ZNF385D: variants seen among roughly 807,000 people sequenced by gnomAD.
ZNF385D encodes zinc finger protein 659.
A neutral mutation model predicts 35.8 loss-of-function variants in ZNF385D; 15 were observed. The ratio of observed to expected loss-of-function variants is 0.42; its 90% CI spans 0.28 to 0.64. ZNF385D has a LOEUF of 0.64. ZNF385D is among the 30% of genes least tolerant of loss of function. The pLI, the probability that ZNF385D is intolerant of heterozygous loss-of-function variation, is 0.23. For missense variants in ZNF385D, 474 were observed against 494.6 expected (o/e 0.96, Z 0.39); for synonymous variants, 212 against 186.8 (o/e 1.13, Z -1.10).
chr3:22,011,357 A>C (rs1308407456), intron 3 of ZNF385D, among the ~76,000 whole-genome samples: 7 of 152,140 alleles, frequency 4.6e-5, no homozygotes, highest in Admixed American at 4.6e-4. Flanking sequence ...TCTCTGCTTC[A>C]AAATATATCT....
chr3:21,875,661 C>T (rs562947471), intron 3 of ZNF385D, among the ~76,000 whole-genome samples: 2 of 152,180 alleles, frequency 1.3e-5, no homozygotes, highest in East Asian at 3.9e-4. Flanking sequence ...CTCATGTATG[C>T]AATACACTCA....
At chr3:21,595,950 C>G (rs1024822759) in intron 2 of ZNF385D, among the ~76,000 whole-genome samples, 1 of 152,134 alleles carries the variant, frequency 6.6e-6, no homozygotes, top group Non-Finnish European at 1.5e-5. Context: ...ACAAAAAAAG[C>G]ACAATACCTA....
At chr3:22,119,131 T>C (rs1206203835) in intron 3 of ZNF385D, among the ~76,000 whole-genome samples, 3 of 152,172 alleles carry the variant, frequency 2.0e-5, no homozygotes, top group East Asian at 3.9e-4. Context: ...CCTGTGGTGC[T>C]GCCAAGAATA....
rs550348481 is a variant in ZNF385D, at chr3:21,710,725, T to C, written c.22+40170A>G. Reference sequence around the variant, plus strand: ...GTGTTGGAAGCAATATTTAAGGTCTTTGAAGCATGAATGCTTGAACATCTC... The same window carrying C: ...GTGTTGGAAGCAATATTTAAGGTCTCTGAAGCATGAATGCTTGAACATCTC... On this transcript the variant is annotated intron_variant, in intron 1 of 7. Transcript: ENST00000281523. 5.9e-5 allele frequency among the ~76,000 whole-genome samples: 9 copies of C among 152,320 alleles called. No homozygotes were observed. The South Asian group carries it at 1.7e-3, about 28-fold the overall frequency.
chr3:22,168,771 T>C (rs970897499), intron 3 of ZNF385D: 1 of 969,884 alleles, frequency 1.0e-6, no homozygotes, highest in African/African-American at 1.8e-5. Context: ...ACAAATAACT[T>C]AAATTGATGA....
chr3:22,208,448 G>T (rs1486657667), intron 2 of ZNF385D, among the ~76,000 whole-genome samples: 1 of 151,778 alleles, frequency 6.6e-6, no homozygotes, highest in South Asian at 2.1e-4. Context: ...TGGCAAGTGT[G>T]GGGTGGGTAG....
intron 1 of ZNF385D, among the ~76,000 whole-genome samples, chr3:21,728,812 C>T (rs1002062013): frequency 3.3e-5 from 5 of 152,206 alleles, no homozygotes; most frequent in Admixed American, 1.3e-4. Context: ...CACAGCTTTG[C>T]AGTCATGGCA....
intron 3 of ZNF385D, among the ~76,000 whole-genome samples, chr3:21,799,331 G>A (rs901442725): frequency 6.6e-6 from 1 of 152,078 alleles, no homozygotes; most frequent in East Asian, 1.9e-4. Flanking sequence ...AAGTCATATG[G>A]TAACTGCCCA....
intron 3 of ZNF385D, among the ~76,000 whole-genome samples, chr3:21,762,610 T>A (rs568898962): frequency 1.3e-5 from 2 of 152,314 alleles, no homozygotes; most frequent in South Asian, 2.1e-4. Flanking sequence ...TTGCCACTTA[T>A]CATCTCATCT....
chr3:22,268,353 T>C (rs1200804255), intron 2 of ZNF385D, among the ~76,000 whole-genome samples: 1 of 152,060 alleles, frequency 6.6e-6, no homozygotes, highest in Non-Finnish European at 1.5e-5. Flanking sequence ...TCCATAATGT[T>C]TAATTATAAA....
intron 1 of ZNF385D, among the ~76,000 whole-genome samples, chr3:21,746,944 C>T (rs1412223129): frequency 6.6e-6 from 1 of 151,922 alleles, no homozygotes; most frequent in Non-Finnish European, 1.5e-5. Context: ...TCTAAACATC[C>T]CAGGGGAAAA....
chr3:21,775,066 G>T (rs2071231859), intron 3 of ZNF385D, among the ~76,000 whole-genome samples: 1 of 151,776 alleles, frequency 6.6e-6, no homozygotes, highest in Admixed American at 6.6e-5. Context: ...GAGAAGAGAT[G>T]AGCATAATTT....
chr3:22,176,752 T>C (rs1055178576), intron 2 of ZNF385D, among the ~76,000 whole-genome samples: 3 of 152,144 alleles, frequency 2.0e-5, no homozygotes, highest in Non-Finnish European at 4.4e-5. Flanking sequence ...CAAAAAGAAA[T>C]TTTACCTTAA....
chr3:21,443,546 A>G (rs918555373), intron 4 of ZNF385D, among the ~76,000 whole-genome samples: 1 of 152,128 alleles, frequency 6.6e-6, no homozygotes, highest in African/African-American at 2.4e-5. Context: ...GGAACAATGA[A>G]TTCACTCTCC....
chr3:22,260,642 T>C (rs1360097592), intron 2 of ZNF385D, among the ~76,000 whole-genome samples: 4 of 152,006 alleles, frequency 2.6e-5, no homozygotes, highest in African/African-American at 9.7e-5. Context: ...TGTACAAAGT[T>C]TTACAAGTAA....
chr3:21,860,147 G>A (rs1046330653), intron 3 of ZNF385D, among the ~76,000 whole-genome samples: 3 of 151,994 alleles, frequency 2.0e-5, no homozygotes, highest in African/African-American at 7.2e-5. Flanking sequence ...ATTCTTTTAT[G>A]CAAAAAAAGT....
intron 3 of ZNF385D, among the ~76,000 whole-genome samples, chr3:21,949,818 G>A (rs771681186): frequency 6.6e-6 from 1 of 151,970 alleles, no homozygotes; most frequent in African/African-American, 2.4e-5. Flanking sequence ...TTGGTTTTCT[G>A]TTCCAGTGTT....
At chr3:22,013,320 C>A (rs1336577099) in intron 3 of ZNF385D, among the ~76,000 whole-genome samples, 1 of 152,026 alleles carries the variant, frequency 6.6e-6, no homozygotes, top group Non-Finnish European at 1.5e-5. Context: ...ATTACATTTG[C>A]TAATGAAGTT....
rs897597654 is a variant in ZNF385D at position 21,415,670 on chromosome 3, C to G, written c.*5544G>C. ...ACTTATTTTTAATTATACTTCTTTG[C>G]TCACAAATCATTTTAGCCCTAATCT... On this transcript the variant is annotated 3_prime_UTR_variant, in exon 8 of 8. Coordinates refer to ENST00000281523, the MANE Select transcript of ZNF385D (RefSeq NM_024697.3). 6.6e-6 allele frequency: 1 copy of G among 152,066 alleles called. No homozygotes were observed. Among genetic ancestry groups the G allele is most frequent in the African/African-American group, 2.4e-5 (1 of 41,416 alleles). The allele number at this position is 152,066 out of a possible 1,614,324, so 9.4% of individuals were successfully genotyped here.
Sources: allele counts gnomAD v4.1 joint callset (sites outside exome capture counted in the v4.1 genomes callset), GRCh38; gene constraint gnomAD v4.1.1; transcripts MANE v1.5; gene names NCBI Gene and HGNC (gene_info 2026-07-23, HGNC 2026-07-21).